The following BCKDHB variants were observed in gnomAD, a reference collection of about 807,000 sequenced individuals.
BCKDHB encodes the protein 2-oxoisovalerate dehydrogenase subunit beta, mitochondrial.
BCKDHB carries 41 observed loss-of-function variants against 48.5 expected under a neutral mutation model. The observed-to-expected ratio is 0.85, with a 90% CI of 0.66 to 1.10. The LOEUF is 1.10. BCKDHB is among the 50% of genes least tolerant of loss of function. The probability of loss-of-function intolerance (pLI) is 0.00; values close to 1 mark genes in which losing one functional copy is unlikely to be tolerated. For synonymous variants in BCKDHB, 201 were observed against 174.8 expected, an observed-to-expected ratio of 1.15 and a Z score of -1.18; for missense variants, 496 against 494.2, an observed-to-expected ratio of 1.00 and a Z score of -0.03.
At chr6:80,267,279 A>C (rs1024033149) in intron 8 of BCKDHB, among the ~76,000 whole-genome samples, 2 of 152,036 alleles carry the variant, frequency 1.3e-5, no homozygotes, top group African/African-American at 4.8e-5. Flanking sequence ...TGCTGCCTTC[A>C]CCTTATTACT....
Position 80,201,713 on chromosome 6 carries a change from T to C in BCKDHB, c.840+682T>C, listed in dbSNP as rs544641049. 1.2e-3 allele frequency among the ~76,000 whole-genome samples: 182 copies of C among 152,110 alleles called. 1 individual carries two copies. Among genetic ancestry groups the C allele is most frequent in the South Asian group, 5.0e-3 (24 of 4,820 alleles). ...CCCTCTCTGCTGATCCACTTCATTT[T>C]CCCCCCGACTTGCTGTCACTTTGCT... On this transcript the variant is annotated intron_variant, in intron 7 of 9. Transcript: ENST00000320393.
At chr6:80,144,713 G>A (rs997012799) in intron 3 of BCKDHB, among the ~76,000 whole-genome samples, 2 of 152,110 alleles carry the variant, frequency 1.3e-5, no homozygotes, top group Non-Finnish European at 2.9e-5. Context: ...AAAGCATGAA[G>A]TAGAAGGTAG....
the BCKDHB span, among the ~76,000 whole-genome samples, chr6:80,427,229 G>A: frequency 2.7e-3 from 417 of 151,960 alleles, 2 homozygotes; most frequent in African/African-American, 9.5e-3. Context: ...GTTTATTAGC[G>A]CTAATTCTTG....
rs903324713 is a variant in BCKDHB at position 80,274,120 on chromosome 6, G to T, written c.1038+899G>T. 8.5e-4 allele frequency among the ~76,000 whole-genome samples: 129 copies of T among 151,874 alleles called. 1 individual carries two copies. The highest frequency in any genetic ancestry group is 3.5e-4 in the Non-Finnish European group (24 of 67,894). On this transcript the variant is annotated intron_variant, in intron 9 of 9. Coordinates refer to ENST00000320393, the MANE Select transcript of BCKDHB (RefSeq NM_183050.4). ...ATAGAATTATGATATATGGATAATG[G>T]TAAGTTTTTATTTTTAGATGTTTAA...
intron 3 of BCKDHB, among the ~76,000 whole-genome samples, chr6:80,138,347 G>A (rs1017486649): frequency 6.6e-6 from 1 of 151,744 alleles, no homozygotes; most frequent in Non-Finnish European, 1.5e-5. Flanking sequence ...CAATGTGCAG[G>A]TTAGTTACAT....
At chr6:80,132,190 A>G (rs777330799) in intron 3 of BCKDHB, among the ~76,000 whole-genome samples, 4 of 151,566 alleles carry the variant, frequency 2.6e-5, no homozygotes, top group Non-Finnish European at 5.9e-5. Flanking sequence ...GTAGACTCCT[A>G]TTTCTTCTTC....
rs148368755 is a variant in BCKDHB, at chr6:80,240,387, C to G, written c.952-32748C>G. On this transcript the variant is annotated intron_variant, in intron 8 of 9. Coordinates refer to ENST00000320393, the MANE Select transcript of BCKDHB (RefSeq NM_183050.4). ...TTCAAGGAGAATACAACTCACATGCCTTGTAAGTTGGATTCCTAGGTATTT... is the reference window on the plus strand; with the variant it reads ...TTCAAGGAGAATACAACTCACATGCGTTGTAAGTTGGATTCCTAGGTATTT... Among the ~76,000 whole-genome samples the G allele has an allele frequency of 9.3e-3, 1,412 of 152,134 alleles. 29 individuals are homozygous for G. The highest frequency in any genetic ancestry group is 0.032 in the African/African-American group (1,343 of 41,504).
At chr6:80,273,532 CAGAA>C (rs1375018427) in intron 9 of BCKDHB, among the ~76,000 whole-genome samples, 1 of 152,018 alleles carries the variant, frequency 6.6e-6, no homozygotes, top group Non-Finnish European at 1.5e-5. Context: ...GCTACGTTAA[CAGAA>C]AGAAAAATCT....
At chr6:80,375,318 C>T in the BCKDHB span, among the ~76,000 whole-genome samples, 1 of 152,118 alleles carries the variant, frequency 6.6e-6, no homozygotes, top group Non-Finnish European at 1.5e-5. Context: ...AACATGATCC[C>T]AAACTTCTTG....
chr6:80,427,996 A>G, the BCKDHB span, among the ~76,000 whole-genome samples: 1 of 152,020 alleles, frequency 6.6e-6, no homozygotes, highest in Non-Finnish European at 1.5e-5. Flanking sequence ...TACATTAGGT[A>G]TTTCTCCTAA....
chr6:80,466,164 G>T, the BCKDHB span, among the ~76,000 whole-genome samples: 1 of 152,148 alleles, frequency 6.6e-6, no homozygotes. Flanking sequence ...CTGTCACAAA[G>T]CAGGAGAGAA....
At chr6:80,221,668 A>T (rs988326242) in intron 8 of BCKDHB, among the ~76,000 whole-genome samples, 4 of 152,194 alleles carry the variant, frequency 2.6e-5, no homozygotes, top group African/African-American at 9.6e-5. Context: ...ATGAATGAAA[A>T]AAATGATAGC....
At chr6:80,445,095 C>T in the BCKDHB span, among the ~76,000 whole-genome samples, 1 of 152,090 alleles carries the variant, frequency 6.6e-6, no homozygotes, top group African/African-American at 2.4e-5. Context: ...CAAACACTTC[C>T]TTGCCTCTTG....
At chr6:80,425,360 A>G in the BCKDHB span, among the ~76,000 whole-genome samples, 3 of 152,222 alleles carry the variant, frequency 2.0e-5, no homozygotes, top group Non-Finnish European at 4.4e-5. Flanking sequence ...TCCTTTGGTT[A>G]TGAACTGTTA....
downstream of BCKDHB, among the ~76,000 whole-genome samples, chr6:80,350,289 C>T (rs921220991): frequency 1.3e-5 from 2 of 151,010 alleles, no homozygotes; most frequent in Admixed American, 6.6e-5. Flanking sequence ...TATAAGAATG[C>T]GAGAACAAAG....
intron 8 of BCKDHB, among the ~76,000 whole-genome samples, chr6:80,226,890 G>T (rs1363597524): frequency 6.6e-6 from 1 of 152,176 alleles, no homozygotes; most frequent in Non-Finnish European, 1.5e-5. Flanking sequence ...GGCATGGAGA[G>T]GGATCTCTGG....
rs551632775 is a variant in BCKDHB at position 80,230,026 on chromosome 6, G to GTTTTTTTTTT, written c.951+26835_951+26844dup. Among the ~76,000 whole-genome samples the GTTTTTTTTTT allele has an allele frequency of 2.8e-3, 170 of 60,644 alleles. 18 individuals carry two copies. The highest frequency in any genetic ancestry group is 8.9e-3 in the African/African-American group (129 of 14,466). The allele number at this position is 60,644 out of a possible 152,430, so 39.8% of individuals were successfully genotyped here. On this transcript the variant is annotated intron_variant, in intron 8 of 9. Transcript: ENST00000320393. ...TGAATTCCAAAGGGGTTTTTAGGTT[G>GTTTTTTTTTT]TTTTTTTTTTTTTTTTTTTTTTTTT...
At chr6:80,180,514 T>A (rs1773362776) in intron 6 of BCKDHB, among the ~76,000 whole-genome samples, 1 of 152,228 alleles carries the variant, frequency 6.6e-6, no homozygotes, top group African/African-American at 2.4e-5. Context: ...ACATCAGTGA[T>A]ATTGAATTAA....
the BCKDHB span, among the ~76,000 whole-genome samples, chr6:80,419,316 T>A: frequency 6.6e-6 from 1 of 152,072 alleles, no homozygotes. Flanking sequence ...CAAGCATAAT[T>A]CACCAGCACA....
Sources: gnomAD v4.1 joint callset for allele counts (sites outside exome capture counted in the v4.1 genomes callset) on GRCh38, gnomAD v4.1.1 for gene constraint, MANE v1.5 for transcripts, NCBI Gene and HGNC (gene_info 2026-07-23, HGNC 2026-07-21) for gene names.